NPNT: variants seen among roughly 807,000 people sequenced by gnomAD.
NPNT encodes the protein nephronectin.
NPNT carries 45 observed loss-of-function variants against 68.6 expected under a neutral mutation model. The observed-to-expected ratio is 0.66, with a 90% confidence interval of 0.52 to 0.84. The LOEUF (loss-of-function observed/expected upper bound fraction) is 0.84. Among genes scored for constraint, NPNT ranks in the 40% least tolerant of loss-of-function variants. The probability of loss-of-function intolerance (pLI) is 0.00; values close to 1 mark genes in which losing one functional copy is unlikely to be tolerated. For missense variants in NPNT, 672 were observed against 714.8 expected, an observed-to-expected ratio of 0.94 and a Z score of 0.68; for synonymous variants, 233 against 253.3, an observed-to-expected ratio of 0.92 and a Z score of 0.76.
chr4:105,916,564 T>C (rs1276154810), intron 2 of NPNT, among the ~76,000 whole-genome samples: 1 of 152,154 alleles, frequency 6.6e-6, no homozygotes, highest in African/African-American at 2.4e-5. Flanking sequence ...CCTAATACAA[T>C]GTATTAAAAA....
chr4:105,916,136 C>T (rs1220267101), intron 2 of NPNT, among the ~76,000 whole-genome samples: 1 of 152,040 alleles, frequency 6.6e-6, no homozygotes, highest in Non-Finnish European at 1.5e-5. Flanking sequence ...CTTTTGGTTG[C>T]CTTTTTTTGT....
intron 2 of NPNT, among the ~76,000 whole-genome samples, chr4:105,914,473 A>G (rs1349842204): frequency 7.2e-6 from 1 of 139,276 alleles, no homozygotes; most frequent in Non-Finnish European, 1.5e-5. Context: ...ATAATATATT[A>G]TATATATAGA....
intron 5 of NPNT, 140 bp from the exon 6 acceptor site, chr4:105,939,935 T>C: frequency 1.5e-6 from 1 of 665,202 alleles, no homozygotes. Context: ...ATGTTGCCTG[T>C]AGGGACAACC....
At chr4:105,959,003 C>A in intron 9 of NPNT, 25 bp from the exon 10 acceptor site, 2 of 1,433,400 alleles carry the variant, frequency 1.4e-6, no homozygotes, top group Non-Finnish European at 2.0e-6. Context: ...CTGATCCACT[C>A]ATCTTTCTGA....
Position 105,927,438 on chromosome 4 carries a change from C to T in NPNT, c.265+10C>T, listed in dbSNP as rs767033440. On this transcript the variant is annotated intron_variant, in intron 3 of 11. Transcript: ENST00000379987. ...AAAACCTGTAATCAAGGTAGGAAAA[C>T]AGTCTGACATAAATACACAATCGAA... The T allele has an allele frequency of 9.7e-6, 15 of 1,549,728 alleles. No homozygotes were observed. The South Asian group carries it at 1.7e-4, about 17-fold the overall frequency.
chr4:105,927,006 G>A (rs569040719), intron 2 of NPNT: 219 of 162,072 alleles, frequency 1.4e-3, no homozygotes, highest in Non-Finnish European at 2.3e-3. Context: ...TTGAAATTTT[G>A]GGTGCAGGAC....
intron 2 of NPNT, among the ~76,000 whole-genome samples, chr4:105,899,851 G>C (rs887102056): frequency 6.6e-6 from 1 of 152,150 alleles, no homozygotes; most frequent in Admixed American, 6.5e-5. Context: ...TGTCAGTTCA[G>C]AGTTCTGCCT....
chr4:105,918,596 GTAAT>G (rs1357070781), intron 2 of NPNT, among the ~76,000 whole-genome samples: 3 of 152,078 alleles, frequency 2.0e-5, no homozygotes, highest in Non-Finnish European at 2.9e-5. Flanking sequence ...CTAAGCCTGT[GTAAT>G]TAATCACTGC....
At chr4:105,952,157 G>A (rs1730886212) in intron 8 of NPNT, among the ~76,000 whole-genome samples, 1 of 152,106 alleles carries the variant, frequency 6.6e-6, no homozygotes, top group South Asian at 2.1e-4. Context: ...AGCCTATGCT[G>A]TTTTCTTGTT....
intron 2 of NPNT, among the ~76,000 whole-genome samples, chr4:105,904,593 C>A (rs1181461031): frequency 6.6e-6 from 1 of 152,176 alleles, no homozygotes; most frequent in East Asian, 1.9e-4. Context: ...CCAGTGGCTT[C>A]CTGCCTATCA....
At chr4:105,920,419 A>T (rs1050696384) in intron 2 of NPNT, among the ~76,000 whole-genome samples, 1 of 138,010 alleles carries the variant, frequency 7.2e-6, no homozygotes, top group South Asian at 2.4e-4. Flanking sequence ...AAAAAAAAAA[A>T]CTTCACATTT....
chr4:105,965,614 T>C (rs1244287607), intron 10 of NPNT, among the ~76,000 whole-genome samples: 1 of 152,180 alleles, frequency 6.6e-6, no homozygotes, highest in Non-Finnish European at 1.5e-5. Flanking sequence ...CCTTATATCT[T>C]AGTCTTAACC....
chr4:105,908,766 T>C (rs1052664532), intron 2 of NPNT, among the ~76,000 whole-genome samples: 10 of 152,126 alleles, frequency 6.6e-5, no homozygotes, highest in African/African-American at 1.9e-4. Context: ...GGTTTTACCA[T>C]GTTAGGCAGG....
chr4:105,966,067 T>G (rs1732108040), intron 10 of NPNT, among the ~76,000 whole-genome samples: 1 of 152,210 alleles, frequency 6.6e-6, no homozygotes. Context: ...ATGTCCTGTA[T>G]AAATTAAGCA....
chr4:105,945,974 GA>G (rs1260369607), intron 8 of NPNT, among the ~76,000 whole-genome samples: 1 of 152,142 alleles, frequency 6.6e-6, no homozygotes, highest in African/African-American at 2.4e-5. Flanking sequence ...GATTATTAAA[GA>G]AAAAAGTAGT....
At chr4:105,904,050 C>G (rs1726662781) in intron 2 of NPNT, among the ~76,000 whole-genome samples, 1 of 152,140 alleles carries the variant, frequency 6.6e-6, no homozygotes, top group Admixed American at 6.5e-5. Context: ...TCCCAAAGTG[C>G]TGGGATTATA....
rs567622753 is a variant in NPNT at position 105,945,350 on chromosome 4, C to CT, written c.1159+2649dup. Among the ~76,000 whole-genome samples, 214 of 152,296 alleles carry CT rather than the reference C, an allele frequency of 1.4e-3. 1 individual carries two copies. Among genetic ancestry groups the CT allele is most frequent in the African/African-American group, 4.5e-3 (188 of 41,562 alleles). On this transcript the variant is annotated intron_variant, in intron 8 of 11. Transcript: ENST00000379987. The stretch of plus-strand genomic sequence containing the variant: ...AAGAACACATCTTCAGCCCAGACCT[C>CT]TCCCCCAAACTCTAGACCTGGATGT...
chr4:105,940,196 A>G lies in NPNT; in HGVS notation c.627A>G (p.Lys209=), dbSNP rs1729824582. The G allele has an allele frequency of 1.2e-6, 2 of 1,613,426 alleles. No individual in the cohort carries two copies. The highest frequency in any genetic ancestry group is 1.7e-6 in the Non-Finnish European group (2 of 1,179,660). ...TCGATCTCATGTATATTGGAGGCAAATATCAATGTCATGGTAATGAAACCC... is the reference window on the plus strand; with the variant it reads ...TCGATCTCATGTATATTGGAGGCAAGTATCAATGTCATGGTAATGAAACCC... The part of the protein sequence containing the change: ...KGFDLMYIGG[K]YQCHDIDECS... Residue 209 remains lysine, a synonymous_variant, in exon 6 of 12, where the codon AAA becomes AAG. Coordinates refer to ENST00000379987, the MANE Select transcript of NPNT (RefSeq NM_001033047.3).
At chr4:105,897,377 C>G (rs917926098) in intron 1 of NPNT, among the ~76,000 whole-genome samples, 6 of 152,120 alleles carry the variant, frequency 3.9e-5, no homozygotes, top group African/African-American at 1.2e-4. Context: ...ACAGTTATGT[C>G]TCAAAAAGAG....
Sources: gnomAD v4.1 joint callset for allele counts (sites outside exome capture counted in the v4.1 genomes callset) on GRCh38, gnomAD v4.1.1 for gene constraint, MANE v1.5 for transcripts, NCBI Gene and HGNC (gene_info 2026-07-23, HGNC 2026-07-21) for gene names.